TXNDC16: variants seen among roughly 807,000 people sequenced by gnomAD.
TXNDC16 encodes thioredoxin domain-containing protein 16.
A neutral mutation model predicts 85.6 loss-of-function variants in TXNDC16; 74 were observed. The observed-to-expected ratio is 0.86, with a 90% CI of 0.72 to 1.05. The LOEUF (loss-of-function observed/expected upper bound fraction) is 1.05, where lower values mean the gene tolerates loss of function less well. Among genes scored for constraint, TXNDC16 ranks in the 50% least tolerant of loss-of-function variants. The pLI is 0.00. For synonymous variants in TXNDC16, 335 were observed against 326.5 expected (o/e 1.03, Z -0.28); for missense variants, 959 against 947.0 (o/e 1.01, Z -0.17).
intron 14 of TXNDC16, among the ~76,000 whole-genome samples, chr14:52,480,389 A>G (rs900416146): frequency 1.3e-5 from 2 of 152,164 alleles, no homozygotes; most frequent in Non-Finnish European, 2.9e-5. Flanking sequence ...CAGACAACTC[A>G]CAGAATGGGA....
chr14:52,535,239 C>T (rs1260601665), intron 6 of TXNDC16, among the ~76,000 whole-genome samples: 2 of 152,154 alleles, frequency 1.3e-5, no homozygotes, highest in Non-Finnish European at 2.9e-5. Flanking sequence ...CTAAGCTTCA[C>T]AGAACCCCCA....
rs764359564 is a variant in TXNDC16, at chr14:52,432,338, C to T, written c.2444G>A (p.Arg815His). The T allele has an allele frequency of 8.4e-5, 135 of 1,613,360 alleles. 1 individual carries two copies. The East Asian group carries it at 2.3e-3, about 27-fold the overall frequency. ...TTTTGAGCATCCTAACTCTTTATCACGTCTAAATGATTTTTCTGCTTCTTT... is the reference window on the plus strand; with the variant it reads ...TTTTGAGCATCCTAACTCTTTATCATGTCTAAATGATTTTTCTGCTTCTTT... ...WFKEAEKSFR[R>H]DKELGCSKVN The change falls in exon 21 of 21, where the codon CGT (arginine) becomes CAT (histidine). Residue 815 changes from arginine to histidine, a missense_variant. By Grantham distance (29) the Arg-to-His change is conservative (BLOSUM62 0). Transcript: ENST00000281741.
intron 16 of TXNDC16, among the ~76,000 whole-genome samples, chr14:52,466,733 G>T (rs1027192214): frequency 1.3e-4 from 20 of 151,914 alleles, no homozygotes; most frequent in Non-Finnish European, 2.4e-4. Flanking sequence ...GGGGCATGGT[G>T]GCAGGCTCCT....
At chr14:52,532,282 C>T (rs1461796028) in intron 6 of TXNDC16, among the ~76,000 whole-genome samples, 3 of 152,136 alleles carry the variant, frequency 2.0e-5, no homozygotes, top group African/African-American at 7.2e-5. Flanking sequence ...GGGAGGATCC[C>T]TTCAGGTTAG....
rs567786443 is a variant in TXNDC16, at chr14:52,514,577, C to T, written c.605+303G>A. On this transcript the variant is annotated intron_variant, in intron 8 of 20. Transcript: ENST00000281741. ...CATTTTGAAAGCTGTTATTTTACCC[C>T]CTATCTGATCACCGCAGGAGAACCA... Among the ~76,000 whole-genome samples the T allele has an allele frequency of 9.2e-5, 14 of 152,236 alleles. No homozygotes were observed. The South Asian group carries it at 1.9e-3, about 20-fold the overall frequency.
At chr14:52,470,367 T>C in intron 15 of TXNDC16, 145 bp downstream of exon 15, 1 of 1,059,618 alleles carries the variant, frequency 9.4e-7, no homozygotes, top group Non-Finnish European at 1.3e-6. Flanking sequence ...AGTGTTGAAA[T>C]GTACACAGAC....
chr14:52,459,966 CGTT>C (rs146000983), intron 16 of TXNDC16, among the ~76,000 whole-genome samples: 1,819 of 152,150 alleles, frequency 0.012, 32 homozygotes, highest in African/African-American at 0.04. Context: ...AATGGGCAAA[CGTT>C]GGAAGTAATC....
At chr14:52,503,150 G>A (rs2036702687) in intron 9 of TXNDC16, among the ~76,000 whole-genome samples, 1 of 152,338 alleles carries the variant, frequency 6.6e-6, no homozygotes, top group East Asian at 1.9e-4. Flanking sequence ...CACCTCTGGG[G>A]GCAGGACTTA....
chr14:52,470,540 T>C lies in TXNDC16; in HGVS notation c.1453A>G (p.Thr485Ala). Residue 485 changes from threonine (T) to alanine (A), a missense_variant, in exon 15 of 21, where the codon ACC (threonine) becomes GCC (alanine). Transcript: ENST00000281741. ...NPVSYAGMLG[T>A]EDLLKFIQLN... is the part of the protein sequence containing the mutation. ...TGGATAAATTTTAGGAGATCTTCGG[T>C]TCCTAACATTCCAGCATAAGATACT... The C allele has an allele frequency of 6.2e-7, 1 of 1,613,276 alleles. No homozygotes were observed. Among genetic ancestry groups the C allele is most frequent in the South Asian group, 1.1e-5 (1 of 90,822 alleles).
At chr14:52,436,699 A>C (rs2035035665) in intron 20 of TXNDC16, among the ~76,000 whole-genome samples, 1 of 152,202 alleles carries the variant, frequency 6.6e-6, no homozygotes, top group Admixed American at 6.5e-5. Context: ...GATTGACCCT[A>C]AAATAAATTA....
rs551133444 is a variant in TXNDC16, at chr14:52,530,193, TTA to T, written c.392+6524_392+6525del. The stretch of plus-strand genomic sequence containing the variant: ...TATATTATATATAAATATATTATAT[TTA>T]TATATATTATATTATACAGAATAAT... On this transcript the variant is annotated intron_variant, in intron 6 of 20. Transcript: ENST00000281741. Among the ~76,000 whole-genome samples, 225 of 78,188 alleles carry T rather than the reference TTA, an allele frequency of 2.9e-3. 5 individuals are homozygous for T. In the Admixed American group the frequency reaches 0.037, roughly 13 times the overall value. The allele number at this position is 78,188 out of a possible 152,430, so 51.3% of individuals were successfully genotyped here.
intron 18 of TXNDC16, among the ~76,000 whole-genome samples, chr14:52,455,033 G>A (rs188204695): frequency 2.0e-5 from 3 of 152,278 alleles, no homozygotes. Flanking sequence ...AAGCTGGGCA[G>A]GCTGACCTTC....
At chr14:52,520,372 C>A (rs1392409735) in intron 6 of TXNDC16, among the ~76,000 whole-genome samples, 2 of 152,168 alleles carry the variant, frequency 1.3e-5, no homozygotes, top group Non-Finnish European at 2.9e-5. Context: ...GCCTGTAATC[C>A]CAGCACTTTG....
intron 6 of TXNDC16, among the ~76,000 whole-genome samples, chr14:52,528,490 G>A (rs1245436165): frequency 6.6e-6 from 1 of 151,718 alleles, no homozygotes; most frequent in African/African-American, 2.4e-5. Context: ...TGTAAATGGA[G>A]GCAATCCCAG....
intron 11 of TXNDC16, among the ~76,000 whole-genome samples, chr14:52,490,003 A>G (rs959201414): frequency 2.0e-5 from 3 of 151,894 alleles, no homozygotes; most frequent in Non-Finnish European, 4.4e-5. Flanking sequence ...CACCCAGCCA[A>G]TTTTTTGTAG....
At chr14:52,453,689 G>A (rs2035463788) in intron 18 of TXNDC16, among the ~76,000 whole-genome samples, 1 of 152,246 alleles carries the variant, frequency 6.6e-6, no homozygotes, top group Middle Eastern at 3.4e-3. Context: ...AAGGGTAGTG[G>A]AAGAGGACTA....
chr14:52,544,703 G>GAA (rs150455237), intron 1 of TXNDC16, among the ~76,000 whole-genome samples: 4 of 147,454 alleles, frequency 2.7e-5, no homozygotes, highest in Non-Finnish European at 6.0e-5. Flanking sequence ...CGGTGTTCCT[G>GAA]AAAAAAAAAA....
chr14:52,543,520 G>GAT lies in TXNDC16; in HGVS notation c.37_38insAT (p.Ser13TyrfsTer5), dbSNP rs767932191. ...GTAAAAAATGCACATTATGACAAAAGAGATCCCAACTCTAAAGACATTGAA... is the reference window on the plus strand; with the variant it reads ...GTAAAAAATGCACATTATGACAAAAGATAGATCCCAACTCTAAAGACATTGAA... On this transcript the variant is annotated frameshift_variant, in exon 3 of 21. Transcript: ENST00000281741. LOFTEE classifies it high-confidence loss of function. 5.0e-6 allele frequency: 8 copies of GAT among 1,613,486 alleles called. No individual in the cohort carries two copies. Among genetic ancestry groups the GAT allele is most frequent in the Non-Finnish European group, 6.8e-6 (8 of 1,179,676 alleles).
At chr14:52,466,392 C>CAAAAA (rs35493549) in intron 16 of TXNDC16, among the ~76,000 whole-genome samples, 2 of 56,696 alleles carry the variant, frequency 3.5e-5, no homozygotes, top group African/African-American at 7.0e-5. Context: ...GACTCTGTCT[C>CAAAAA]AAAAAAAAAA....
Sources: gnomAD v4.1 joint callset for allele counts (sites outside exome capture counted in the v4.1 genomes callset) on GRCh38, gnomAD v4.1.1 for gene constraint, MANE v1.5 for transcripts, NCBI Gene and HGNC (gene_info 2026-07-23, HGNC 2026-07-21) for gene names.